PCDH15: variants seen among roughly 807,000 people sequenced by gnomAD.
PCDH15 encodes protocadherin-15.
Under a neutral mutation model 178.5 loss-of-function variants are expected in PCDH15, and 129 were observed. The observed-to-expected ratio is 0.72, with a 90% CI of 0.63 to 0.84. The LOEUF (loss-of-function observed/expected upper bound fraction) is 0.84, where lower values mean the gene tolerates loss of function less well. PCDH15 is among the 40% of genes least tolerant of loss of function. The pLI, the probability that PCDH15 is intolerant of heterozygous loss-of-function variation, is 0.00. For missense variants in PCDH15, 2,230 were observed against 2,099.9 expected (o/e 1.06, Z -1.21); for synonymous variants, 800 against 732.0 (o/e 1.09, Z -1.50).
At chr10:55,008,309 C>T (rs529493020) in intron 2 of PCDH15, among the ~76,000 whole-genome samples, 1 of 151,962 alleles carries the variant, frequency 6.6e-6, no homozygotes, top group East Asian at 1.9e-4. Context: ...GGGCACATGT[C>T]AGTAATGAGC....
chr10:55,274,616 C>T (rs1218331373), intron 1 of PCDH15, among the ~76,000 whole-genome samples: 1 of 152,040 alleles, frequency 6.6e-6, no homozygotes, highest in Admixed American at 6.6e-5. Context: ...TAACAGCTTA[C>T]CACTTTTTTC....
Position 54,375,797 on chromosome 10 carries a change from ATATATAATATATAAATAAAAATATATT to A in PCDH15, c.318+2958_318+2984del, listed in dbSNP as rs1565118217. Among the ~76,000 whole-genome samples, 1,174 of 120,222 alleles carry A rather than the reference ATATATAATATATAAATAAAAATATATT, an allele frequency of 9.8e-3. 13 individuals are homozygous for A. The highest frequency in any genetic ancestry group is 0.032 in the African/African-American group (1,050 of 33,094). 78.9% of individuals were successfully genotyped at this position (120,222 alleles called of 152,430 possible). ...TATATATATTTGAAATGGAATATAT[ATATATAATATATAAATAAAAATATATT>A]TTTGAAATGGAATATATATATATAA... On this transcript the variant is annotated intron_variant, in intron 4 of 37. Coordinates refer to ENST00000644397, the MANE Select transcript of PCDH15 (RefSeq NM_001384140.1).
intron 28 of PCDH15, among the ~76,000 whole-genome samples, chr10:53,848,198 G>T (rs1281659942): frequency 6.6e-6 from 1 of 151,632 alleles, no homozygotes; most frequent in Non-Finnish European, 1.5e-5. Flanking sequence ...ATGAGTTGGG[G>T]TGAATTACAA....
chr10:55,149,305 T>G (rs1255002183), intron 2 of PCDH15, among the ~76,000 whole-genome samples: 1 of 151,856 alleles, frequency 6.6e-6, no homozygotes, highest in Non-Finnish European at 1.5e-5. Context: ...TTAATAATTT[T>G]TACATAAAAC....
intron 3 of PCDH15, among the ~76,000 whole-genome samples, chr10:54,454,505 G>A (rs1229732171): frequency 6.7e-6 from 1 of 149,564 alleles, no homozygotes; most frequent in Non-Finnish European, 1.5e-5. Context: ...ATATTAATAA[G>A]CATCTTATTC....
At chr10:55,507,359 C>CACACAT (rs534923299) in intron 2 of PCDH15, among the ~76,000 whole-genome samples, 2 of 151,454 alleles carry the variant, frequency 1.3e-5, no homozygotes, top group African/African-American at 4.8e-5. Flanking sequence ...CATATGCACA[C>CACACAT]ACACATACAC....
At chr10:55,551,253 G>C (rs1429757117) in intron 2 of PCDH15, among the ~76,000 whole-genome samples, 1 of 151,898 alleles carries the variant, frequency 6.6e-6, no homozygotes. Flanking sequence ...TTAACCTCAA[G>C]ATTTTTAATT....
chr10:55,266,874 C>A (rs1842312388), intron 1 of PCDH15, among the ~76,000 whole-genome samples: 1 of 152,202 alleles, frequency 6.6e-6, no homozygotes, highest in African/African-American at 2.4e-5. Context: ...ATGACTAACA[C>A]AAGCCGCCTA....
At chr10:54,924,572 T>C (rs1246773256) in intron 2 of PCDH15, among the ~76,000 whole-genome samples, 2 of 88,080 alleles carry the variant, frequency 2.3e-5, no homozygotes, top group Non-Finnish European at 6.6e-5. Context: ...AGCATATAAG[T>C]GTTCTTTTTT....
intron 9 of PCDH15, among the ~76,000 whole-genome samples, chr10:54,220,623 A>T (rs1188111259): frequency 6.6e-6 from 1 of 152,142 alleles, no homozygotes; most frequent in South Asian, 2.1e-4. Flanking sequence ...CAGGAGATCG[A>T]GACCATCCTG....
rs545953727 is a variant in PCDH15, at chr10:54,170,372, A to G, written c.1590+13072T>C. On this transcript the variant is annotated intron_variant, in intron 13 of 37. Transcript: ENST00000644397. ...CTTTCTGCCCAAACAACTTGACCTT[A>G]CTGTTTTAGTCTAGCCCTCATGTCT... Among the ~76,000 whole-genome samples, 3 of 152,028 alleles carry G rather than the reference A, an allele frequency of 2.0e-5. No homozygotes were observed. In the South Asian group the frequency reaches 6.2e-4, roughly 32 times the overall value.
chr10:55,249,915 CTATT>C (rs1347727174), intron 1 of PCDH15, among the ~76,000 whole-genome samples: 4 of 151,790 alleles, frequency 2.6e-5, no homozygotes, highest in Non-Finnish European at 5.9e-5. Flanking sequence ...ATTTTCATCT[CTATT>C]TAATTATATC....
intron 3 of PCDH15, among the ~76,000 whole-genome samples, chr10:54,510,062 A>T (rs746282197): frequency 2.0e-4 from 31 of 152,164 alleles, no homozygotes; most frequent in Non-Finnish European, 3.4e-4. Flanking sequence ...TGGCATAAAT[A>T]TACTTTGAAG....
chr10:53,961,769 G>C lies in PCDH15; in HGVS notation c.2992C>G (p.Pro998Ala), dbSNP rs397517454. The change falls in exon 22 of 38, where the codon CCT becomes GCT. Residue 998 changes from proline to alanine, a missense_variant. Coordinates refer to ENST00000644397, the MANE Select transcript of PCDH15 (RefSeq NM_001384140.1). ...VITRVNLNEE[P>A]TTIFKLVVVA... Reference sequence around the variant, plus strand: ...ACACTGACCTTAAAAATTGTTGTAGGTTCTTCATTAAGATTGACTCGTGTT... The same window carrying C: ...ACACTGACCTTAAAAATTGTTGTAGCTTCTTCATTAAGATTGACTCGTGTT... 1.6e-5 allele frequency: 26 copies of C among 1,606,518 alleles called. No homozygotes were observed. The African/African-American group carries it at 2.9e-4, about 18-fold the overall frequency.
intron 1 of PCDH15, among the ~76,000 whole-genome samples, chr10:55,313,789 G>A (rs547297103): frequency 1.2e-3 from 185 of 152,218 alleles, no homozygotes; most frequent in Non-Finnish European, 2.2e-3. Context: ...GAAGGGACCT[G>A]AAAAACATTG....
chr10:54,899,694 A>G (rs1251410901), intron 2 of PCDH15, among the ~76,000 whole-genome samples: 5 of 151,914 alleles, frequency 3.3e-5, no homozygotes, highest in Admixed American at 2.0e-4. Flanking sequence ...GATGGGTTTC[A>G]CCGTATTAGC....
At chr10:54,066,921 G>T in intron 17 of PCDH15, 36 bp from the exon 18 acceptor site, 1 of 1,604,932 alleles carries the variant, frequency 6.2e-7, no homozygotes, top group Non-Finnish European at 8.5e-7. Flanking sequence ...TGTGAGAGGA[G>T]CTATTTTTAC....
At chr10:54,174,839 A>G (rs1468600985) in intron 13 of PCDH15, among the ~76,000 whole-genome samples, 2 of 149,188 alleles carry the variant, frequency 1.3e-5, no homozygotes, top group Admixed American at 1.4e-4. Context: ...AGTTTCTTAG[A>G]TTGGGGAATA....
At chr10:55,322,463 G>A (rs1418007137), upstream of PCDH15, among the ~76,000 whole-genome samples, 6 of 152,200 alleles carry the variant, frequency 3.9e-5, no homozygotes, top group African/African-American at 1.4e-4. Flanking sequence ...GGCTGGAACA[G>A]TTTGGAGGGC....
Sources: allele counts gnomAD v4.1 joint callset (sites outside exome capture counted in the v4.1 genomes callset), GRCh38; gene constraint gnomAD v4.1.1; transcripts MANE v1.5; gene names NCBI Gene and HGNC (gene_info 2026-07-23, HGNC 2026-07-21).